Variants in MTDH observed in about 807,000 individuals in gnomAD.
MTDH encodes the protein metadherin, also known as protein LYRIC.
Under a neutral mutation model 72.7 loss-of-function variants are expected in MTDH, and 34 were observed. The ratio of observed to expected loss-of-function variants is 0.47; its 90% confidence interval spans 0.36 to 0.62. The LOEUF (loss-of-function observed/expected upper bound fraction) is 0.62, where lower values mean the gene tolerates loss of function less well. Ranked by LOEUF, MTDH falls within the 20% of genes least tolerant of loss-of-function variation. The pLI is 0.00. For missense variants in MTDH, 677 were observed against 699.4 expected, an observed-to-expected ratio of 0.97 and a Z score of 0.36; for synonymous variants, 266 against 268.9, an observed-to-expected ratio of 0.99 and a Z score of 0.10.
chr8:97,649,830 C>T lies in MTDH; in HGVS notation c.381+4943C>T, dbSNP rs184552428. 3.9e-3 allele frequency among the ~76,000 whole-genome samples: 592 copies of T among 152,328 alleles called. 4 individuals carry two copies. The highest frequency in any genetic ancestry group is 6.6e-3 in the Non-Finnish European group (448 of 68,028). ...GTTGCCCACGCATGGACTCAAACTCCTGAGCTCAGGCAGTCCACCTGCCTC... is the reference window on the plus strand; with the variant it reads ...GTTGCCCACGCATGGACTCAAACTCTTGAGCTCAGGCAGTCCACCTGCCTC... On this transcript the variant is annotated intron_variant, in intron 1 of 11. Transcript: ENST00000336273.
chr8:97,660,861 T>C (rs1812145462), intron 1 of MTDH, among the ~76,000 whole-genome samples: 1 of 151,682 alleles, frequency 6.6e-6, no homozygotes, highest in Admixed American at 6.6e-5. Flanking sequence ...AAATCTGTGG[T>C]ACAGAATTTT....
At chr8:97,710,377 C>CTTA (rs2131058809) in intron 8 of MTDH, among the ~76,000 whole-genome samples, 1 of 152,230 alleles carries the variant, frequency 6.6e-6, no homozygotes, top group South Asian at 2.1e-4. Flanking sequence ...AACTACAGTG[C>CTTA]TTACTTCAGC....
intron 1 of MTDH, among the ~76,000 whole-genome samples, chr8:97,646,335 A>G (rs923521626): frequency 3.3e-5 from 5 of 152,238 alleles, no homozygotes; most frequent in Non-Finnish European, 4.4e-5. Flanking sequence ...GAATACTACC[A>G]TAAGTTAGGA....
rs752196762 is a variant in MTDH, at chr8:97,719,113, C to T, written c.1445C>T (p.Pro482Leu). 13 of 1,613,756 alleles carry T rather than the reference C, an allele frequency of 8.1e-6. No individual in the cohort carries two copies. In the East Asian group the frequency reaches 2.0e-4, roughly 25 times the overall value. ...CCAGTGAATACCTCTAAAACCCGTC[C>T]AAAACAGGAAAAAGCTTTTTCCTTG... ...DLPVNTSKTR[P>L]KQEKAFSLKT... Residue 482 changes from proline (P) to leucine (L), a missense_variant, in exon 10 of 12, where the codon CCA becomes CTA. By Grantham distance (98) the Pro-to-Leu change is moderately conservative. Around this residue, in one of 3 missense-constraint regions of MTDH, gnomAD observed 201 missense variants for 204.5 expected, o/e 0.98. Transcript: ENST00000336273.
chr8:97,715,221 A>G (rs898972937), intron 9 of MTDH, among the ~76,000 whole-genome samples: 1 of 151,834 alleles, frequency 6.6e-6, no homozygotes, highest in Non-Finnish European at 1.5e-5. Context: ...TGCCTCTCCC[A>G]GGTTCAAGTG....
At chr8:97,705,331 G>A (rs368857590) in intron 7 of MTDH, among the ~76,000 whole-genome samples, 37 of 151,694 alleles carry the variant, frequency 2.4e-4, no homozygotes, top group African/African-American at 9.0e-4. Flanking sequence ...GCTGGGCGTG[G>A]TGCCTCACGC....
intron 1 of MTDH, among the ~76,000 whole-genome samples, chr8:97,645,788 T>C (rs921913336): frequency 4.6e-5 from 7 of 152,220 alleles, no homozygotes; most frequent in Admixed American, 4.6e-4. Flanking sequence ...TTCATAGTTT[T>C]ATGTATTTTT....
chr8:97,649,904 A>G (rs1193077351), intron 1 of MTDH, among the ~76,000 whole-genome samples: 5 of 151,558 alleles, frequency 3.3e-5, no homozygotes, highest in Admixed American at 2.6e-4. Context: ...GCCCCCGGCC[A>G]TTATTTTTAT....
intron 10 of MTDH, among the ~76,000 whole-genome samples, chr8:97,722,256 C>G (rs1815159101): frequency 6.7e-6 from 1 of 150,234 alleles, no homozygotes; most frequent in African/African-American, 2.5e-5. Flanking sequence ...GAGCGATACT[C>G]TGTCTCAAAA....
intron 6 of MTDH, among the ~76,000 whole-genome samples, chr8:97,697,381 GTTTTTTTTTT>G (rs755015450): frequency 3.7e-3 from 293 of 80,226 alleles, no homozygotes; most frequent in African/African-American, 0.018. Context: ...TATTATTTCG[GTTTTTTTTTT>G]TTTTTTTTTT....
At chr8:97,695,122 T>TC (rs1157970480) in intron 6 of MTDH, among the ~76,000 whole-genome samples, 10 of 151,450 alleles carry the variant, frequency 6.6e-5, no homozygotes, top group South Asian at 2.1e-4. Context: ...TTTTTTTTTT[T>TC]CTTTAAGATG....
At chr8:97,665,503 A>T (rs1277626877) in intron 2 of MTDH, among the ~76,000 whole-genome samples, 1 of 152,218 alleles carries the variant, frequency 6.6e-6, no homozygotes, top group African/African-American at 2.4e-5. Context: ...AAGAGAAGAT[A>T]TCTAGTAATA....
intron 2 of MTDH, among the ~76,000 whole-genome samples, chr8:97,682,061 C>G (rs893887276): frequency 2.0e-5 from 3 of 151,010 alleles, no homozygotes; most frequent in Non-Finnish European, 2.9e-5. Flanking sequence ...TTTATGCTAC[C>G]AGCTTCCTTC....
chr8:97,699,164 T>C (rs1245503946), intron 6 of MTDH, among the ~76,000 whole-genome samples: 1 of 152,164 alleles, frequency 6.6e-6, no homozygotes, highest in Non-Finnish European at 1.5e-5. Context: ...AATGTGTGCC[T>C]GTAGTCCCAG....
chr8:97,679,087 A>G (rs866109492), intron 2 of MTDH, among the ~76,000 whole-genome samples: 2 of 152,298 alleles, frequency 1.3e-5, no homozygotes, highest in South Asian at 4.1e-4. Context: ...ATGGGATCCA[A>G]TTCCAGTTCT....
chr8:97,683,643 C>T (rs1369933293), intron 2 of MTDH, among the ~76,000 whole-genome samples: 1 of 152,070 alleles, frequency 6.6e-6, no homozygotes, highest in Non-Finnish European at 1.5e-5. Flanking sequence ...ATCCTCCCAC[C>T]TCAACCTTCC....
chr8:97,721,672 A>G (rs1815132570), intron 10 of MTDH, among the ~76,000 whole-genome samples: 1 of 152,212 alleles, frequency 6.6e-6, no homozygotes, highest in South Asian at 2.1e-4. Context: ...ATCTCTCACA[A>G]CCCGAAGGCA....
chr8:97,652,586 C>A (rs546691213), intron 1 of MTDH, among the ~76,000 whole-genome samples: 1 of 152,256 alleles, frequency 6.6e-6, no homozygotes, highest in South Asian at 2.1e-4. Flanking sequence ...GGCAAACTGC[C>A]TGGCGTATAA....
chr8:97,713,511 C>T, intron 8 of MTDH, 151 bp from the exon 9 acceptor site: 1 of 489,450 alleles, frequency 2.0e-6, no homozygotes. Context: ...ATATGTAGTT[C>T]TTGATCCATT....
Sources: allele counts gnomAD v4.1 joint callset (sites outside exome capture counted in the v4.1 genomes callset), GRCh38; gene constraint gnomAD v4.1.1; regional missense constraint gnomAD v4.1.1; transcripts MANE v1.5; gene names NCBI Gene and HGNC (gene_info 2026-07-23, HGNC 2026-07-21).